Variants in RIPOR3 observed in about 807,000 individuals in gnomAD.
RIPOR3 encodes the protein RIPOR family member 3, also known as family with sequence similarity 65 member C.
Under a neutral mutation model 114.3 loss-of-function variants are expected in RIPOR3, and 95 were observed. That is an observed-to-expected ratio of 0.83 (90% CI 0.70 to 0.99). The LOEUF (loss-of-function observed/expected upper bound fraction) is 0.99. Ranked by LOEUF, RIPOR3 falls within the 50% of genes least tolerant of loss-of-function variation. RIPOR3 has a pLI of 0.00. For missense variants in RIPOR3, 1,252 were observed against 1,266.9 expected (o/e 0.99, Z 0.18); for synonymous variants, 575 against 543.8 (o/e 1.06, Z -0.80).
chr20:50,653,735 C>T (rs1178662301), intron 1 of RIPOR3, among the ~76,000 whole-genome samples: 1 of 151,926 alleles, frequency 6.6e-6, no homozygotes, highest in Non-Finnish European at 1.5e-5. Context: ...GGACTACAGG[C>T]ATGCACCACC....
intron 15 of RIPOR3, 130 bp from the exon 16 acceptor site, chr20:50,595,634 G>GTGAAA: frequency 7.6e-7 from 1 of 1,309,560 alleles, no homozygotes; most frequent in South Asian, 1.4e-5. Flanking sequence ...CTGTCATTTG[G>GTGAAA]GGATTCCCCT....
intron 2 of RIPOR3, among the ~76,000 whole-genome samples, chr20:50,624,668 C>A (rs930319225): frequency 6.6e-6 from 1 of 152,218 alleles, no homozygotes; most frequent in African/African-American, 2.4e-5. Context: ...CCTCTGGGGC[C>A]GGATGTTTCA....
At chr20:50,670,661 A>G in intron 1 of RIPOR3, among the ~76,000 whole-genome samples, 1 of 152,158 alleles carries the variant, frequency 6.6e-6, no homozygotes, top group Admixed American at 6.5e-5. Context: ...CCTGTGGAGC[A>G]TTGTGTTAGT....
chr20:50,668,054 A>C (rs902755048), intron 1 of RIPOR3, among the ~76,000 whole-genome samples: 2 of 152,004 alleles, frequency 1.3e-5, no homozygotes, highest in African/African-American at 4.8e-5. Flanking sequence ...TGTTTGGGAC[A>C]CCCTGGGAAC....
chr20:50,690,999 T>C (rs1342099001), intron 1 of RIPOR3, 127 bp downstream of exon 1: 3 of 1,211,026 alleles, frequency 2.5e-6, no homozygotes, highest in East Asian at 5.7e-5. Flanking sequence ...GGTTCCCTCC[T>C]CCGGCCTTGG....
chr20:50,622,482 C>T (rs544360557), intron 2 of RIPOR3, among the ~76,000 whole-genome samples: 2 of 152,204 alleles, frequency 1.3e-5, no homozygotes, highest in Non-Finnish European at 2.9e-5. Context: ...GTGCCTGGCT[C>T]AGCATCAGTT....
chr20:50,640,942 T>C (rs1170497410), intron 1 of RIPOR3, among the ~76,000 whole-genome samples: 2 of 149,900 alleles, frequency 1.3e-5, no homozygotes, highest in African/African-American at 4.9e-5. Flanking sequence ...GGAGCTTTGC[T>C]CTTTTTGCCC....
At chr20:50,688,175 G>T (rs1470642844) in intron 1 of RIPOR3, among the ~76,000 whole-genome samples, 1 of 152,036 alleles carries the variant, frequency 6.6e-6, no homozygotes, top group Non-Finnish European at 1.5e-5. Flanking sequence ...TTTTGAGACA[G>T]TGTCTTGCTC....
chr20:50,627,903 C>T (rs546303030), intron 2 of RIPOR3, among the ~76,000 whole-genome samples: 8 of 152,310 alleles, frequency 5.3e-5, no homozygotes, highest in Admixed American at 1.3e-4. Flanking sequence ...AGACCCTACC[C>T]CTCCTTCCAG....
intron 1 of RIPOR3, among the ~76,000 whole-genome samples, chr20:50,679,165 C>T (rs28647711): frequency 9.2e-6 from 1 of 109,028 alleles, no homozygotes; most frequent in Non-Finnish European, 1.7e-5. Context: ...CACACACACA[C>T]AGAGAGAGAG....
At chr20:50,680,003 A>C (rs2086808530) in intron 1 of RIPOR3, among the ~76,000 whole-genome samples, 1 of 152,178 alleles carries the variant, frequency 6.6e-6, no homozygotes. Flanking sequence ...TGGTGCAAGC[A>C]GCAGGGCCAG....
intron 20 of RIPOR3, 93 bp from the exon 21 acceptor site, chr20:50,587,985 T>C (rs1420409778): frequency 8.3e-7 from 1 of 1,206,632 alleles, no homozygotes; most frequent in Admixed American, 2.2e-5. Flanking sequence ...AGTCCTAGCA[T>C]GGTCTCTGGG....
At chr20:50,625,702 G>A (rs2084594047) in intron 2 of RIPOR3, among the ~76,000 whole-genome samples, 1 of 152,178 alleles carries the variant, frequency 6.6e-6, no homozygotes, top group Non-Finnish European at 1.5e-5. Flanking sequence ...AGACCTGGCT[G>A]AGGAGGGGCA....
chr20:50,594,741 A>G, intron 16 of RIPOR3, 27 bp from the exon 17 acceptor site: 3 of 1,596,972 alleles, frequency 1.9e-6, no homozygotes, highest in Non-Finnish European at 2.6e-6. Flanking sequence ...AGAAACCTGA[A>G]TGGTGACTCG....
intron 1 of RIPOR3, among the ~76,000 whole-genome samples, chr20:50,666,224 T>TTTCTTTTC (rs937470489): frequency 5.6e-4 from 57 of 101,848 alleles, no homozygotes; most frequent in East Asian, 1.2e-3. Flanking sequence ...TTTCTTTTCT[T>TTTCTTTTC]TTTTGAGACG....
chr20:50,604,451 C>G (rs1482947116), intron 12 of RIPOR3, among the ~76,000 whole-genome samples, 194 bp downstream of exon 12: 1 of 152,140 alleles, frequency 6.6e-6, no homozygotes, highest in Non-Finnish European at 1.5e-5. Context: ...CCAGCCAAGC[C>G]CAGAACCCAG....
intron 1 of RIPOR3, among the ~76,000 whole-genome samples, chr20:50,685,451 G>A (rs988841506): frequency 1.3e-5 from 2 of 151,272 alleles, no homozygotes; most frequent in East Asian, 2.0e-4. Flanking sequence ...TCCTGACCTC[G>A]TGATCCACGT....
chr20:50,653,783 G>A (rs977947613), intron 1 of RIPOR3, among the ~76,000 whole-genome samples: 1 of 151,956 alleles, frequency 6.6e-6, no homozygotes, highest in Admixed American at 6.6e-5. Context: ...TAGAGACAGG[G>A]TTTTGCCATG....
intron 1 of RIPOR3, among the ~76,000 whole-genome samples, chr20:50,656,398 A>T (rs370435772): frequency 6.6e-6 from 1 of 152,198 alleles, no homozygotes; most frequent in African/African-American, 2.4e-5. Context: ...AGTAAACAAG[A>T]GAAAGTATAT....
Sources: gnomAD v4.1 joint callset for allele counts (sites outside exome capture counted in the v4.1 genomes callset) on GRCh38, gnomAD v4.1.1 for gene constraint, MANE v1.5 for transcripts, NCBI Gene and HGNC (gene_info 2026-07-23, HGNC 2026-07-21) for gene names.